The following SPOCK3 variants were observed in gnomAD, a reference collection of about 807,000 sequenced individuals.
SPOCK3 encodes testican-3.
Under a neutral mutation model 56.6 loss-of-function variants are expected in SPOCK3, and 30 were observed. The ratio of observed to expected loss-of-function variants is 0.53; its 90% CI spans 0.40 to 0.72. SPOCK3 has a LOEUF of 0.72. Ranked by LOEUF, SPOCK3 falls within the 30% of genes least tolerant of loss-of-function variation. The pLI, the probability that SPOCK3 is intolerant of heterozygous loss-of-function variation, is 0.00. For synonymous variants in SPOCK3, 196 were observed against 183.3 expected, an observed-to-expected ratio of 1.07 and a Z score of -0.56; for missense variants, 527 against 530.0, an observed-to-expected ratio of 0.99 and a Z score of 0.06.
intron 2 of SPOCK3, among the ~76,000 whole-genome samples, chr4:167,086,300 C>T (rs1758191947): frequency 1.3e-5 from 2 of 152,032 alleles, no homozygotes; most frequent in African/African-American, 4.8e-5. Context: ...TACATCATAG[C>T]TTCATATAAT....
chr4:166,946,397 C>G (rs192949131), intron 4 of SPOCK3, among the ~76,000 whole-genome samples: 44 of 152,342 alleles, frequency 2.9e-4, no homozygotes, highest in Non-Finnish European at 5.0e-4. Context: ...CAGGCTCAGT[C>G]TGCTCCCAGG....
intron 4 of SPOCK3, among the ~76,000 whole-genome samples, chr4:166,938,645 C>A (rs1057256325): frequency 1.3e-5 from 2 of 151,502 alleles, no homozygotes; most frequent in Non-Finnish European, 2.9e-5. Flanking sequence ...ATTTCATGCA[C>A]ACACAGGAGA....
At position 167,177,045 on chromosome 4, in the gene SPOCK3, C is replaced by T. The variant is rs185888009; in HGVS notation, c.189+56940G>A. The stretch of plus-strand genomic sequence containing the variant: ...ATTTTATCATTAACAAGGCAGTATT[C>T]CACTAACCTCTACCAAATAGGTGAA... On this transcript the variant is annotated intron_variant, in intron 2 of 10. Coordinates refer to ENST00000357545, the MANE Select transcript of SPOCK3 (RefSeq NM_001040159.2). Among the ~76,000 whole-genome samples the T allele has an allele frequency of 3.1e-3, 469 of 152,218 alleles. 1 individual carries two copies. Among genetic ancestry groups the T allele is most frequent in the Non-Finnish European group, 5.5e-3 (372 of 68,014 alleles).
chr4:166,974,662 T>A (rs923927999), intron 4 of SPOCK3, among the ~76,000 whole-genome samples: 8 of 152,188 alleles, frequency 5.3e-5, no homozygotes, highest in African/African-American at 2.4e-5. Flanking sequence ...ACCAAAAATA[T>A]TTTTGTCAAG....
chr4:166,858,954 C>T (rs1730960675), intron 6 of SPOCK3, among the ~76,000 whole-genome samples: 1 of 152,080 alleles, frequency 6.6e-6, no homozygotes, highest in African/African-American at 2.4e-5. Context: ...CAATGGTGGT[C>T]CCCTAAAATT....
intron 2 of SPOCK3, among the ~76,000 whole-genome samples, chr4:167,154,583 G>A (rs1278425063): frequency 1.3e-5 from 2 of 152,124 alleles, no homozygotes; most frequent in Admixed American, 6.5e-5. Flanking sequence ...ATAGAAATGG[G>A]AGGAAAGAAG....
intron 2 of SPOCK3, among the ~76,000 whole-genome samples, chr4:167,196,939 A>G (rs1733012732): frequency 6.6e-6 from 1 of 152,138 alleles, no homozygotes; most frequent in South Asian, 2.1e-4. Context: ...TTGCCATATA[A>G]CATTATCTTT....
chr4:167,199,733 TAA>T, intron 2 of SPOCK3, among the ~76,000 whole-genome samples: 1 of 139,104 alleles, frequency 7.2e-6, no homozygotes, highest in Non-Finnish European at 1.6e-5. Context: ...ATAATAATAA[TAA>T]TAACTTTAAG....
chr4:166,778,420 A>G (rs1739807495), intron 7 of SPOCK3, among the ~76,000 whole-genome samples: 1 of 152,192 alleles, frequency 6.6e-6, no homozygotes, highest in Non-Finnish European at 1.5e-5. Flanking sequence ...TGTGCATTTC[A>G]AAACCTATTC....
intron 3 of SPOCK3, among the ~76,000 whole-genome samples, chr4:167,019,814 T>C (rs1299092846): frequency 6.6e-6 from 1 of 152,108 alleles, no homozygotes; most frequent in Non-Finnish European, 1.5e-5. Flanking sequence ...GAATTCTAAT[T>C]GATAGAACAT....
chr4:166,823,769 A>G (rs914384185), intron 6 of SPOCK3, among the ~76,000 whole-genome samples: 9 of 151,866 alleles, frequency 5.9e-5, no homozygotes, highest in African/African-American at 9.7e-5. Flanking sequence ...GATAACTTCT[A>G]TTTTTTTGCC....
chr4:167,067,238 T>A (rs1057438701), intron 2 of SPOCK3, among the ~76,000 whole-genome samples: 8 of 151,820 alleles, frequency 5.3e-5, no homozygotes, highest in Admixed American at 3.3e-4. Context: ...CTTACTAAAA[T>A]CTATGTTTAA....
intron 6 of SPOCK3, among the ~76,000 whole-genome samples, chr4:166,881,496 A>G (rs1263143247): frequency 1.3e-5 from 2 of 152,048 alleles, no homozygotes; most frequent in African/African-American, 4.8e-5. Context: ...TATTACTTTT[A>G]ATTCAATATG....
intron 6 of SPOCK3, among the ~76,000 whole-genome samples, chr4:166,812,484 G>A (rs1743938987): frequency 6.6e-6 from 1 of 151,750 alleles, no homozygotes; most frequent in African/African-American, 2.4e-5. Context: ...TCCTCTTAAG[G>A]GAAGTATGCA....
intron 5 of SPOCK3, among the ~76,000 whole-genome samples, chr4:166,909,546 T>C (rs1489548661): frequency 6.6e-6 from 1 of 152,058 alleles, no homozygotes; most frequent in Non-Finnish European, 1.5e-5. Flanking sequence ...TTTGTATCAA[T>C]GCATGGGTCA....
chr4:166,743,709 G>A (rs1303898600), intron 8 of SPOCK3, among the ~76,000 whole-genome samples: 2 of 152,198 alleles, frequency 1.3e-5, no homozygotes, highest in Non-Finnish European at 2.9e-5. Context: ...CCCAGCCAAG[G>A]GAAGCCGTGA....
chr4:167,213,298 T>C (rs1256849739), intron 2 of SPOCK3, among the ~76,000 whole-genome samples: 2 of 152,224 alleles, frequency 1.3e-5, no homozygotes, highest in Admixed American at 1.3e-4. Flanking sequence ...TGCAATTCTG[T>C]GTTACGTGGA....
chr4:166,900,518 T>C (rs1489827313), intron 5 of SPOCK3, among the ~76,000 whole-genome samples: 1 of 152,168 alleles, frequency 6.6e-6, no homozygotes, highest in African/African-American at 2.4e-5. Context: ...GGAGGCTATA[T>C]ATACCTATTT....
At chr4:167,019,394 C>T (rs532887855) in intron 3 of SPOCK3, among the ~76,000 whole-genome samples, 5 of 151,768 alleles carry the variant, frequency 3.3e-5, no homozygotes. Context: ...TATTTTTCCA[C>T]TTACGTATGA....
Sources: gnomAD v4.1 joint callset for allele counts (sites outside exome capture counted in the v4.1 genomes callset) on GRCh38, gnomAD v4.1.1 for gene constraint, MANE v1.5 for transcripts, NCBI Gene and HGNC (gene_info 2026-07-23, HGNC 2026-07-21) for gene names.